The following GAL3ST1 variants were observed in gnomAD, a reference collection of about 807,000 sequenced individuals.
GAL3ST1 encodes galactosylceramide sulfotransferase.
GAL3ST1 carries 13 observed loss-of-function variants against 25.0 expected under a neutral mutation model. That is an observed-to-expected ratio of 0.52 (90% CI 0.34 to 0.83). GAL3ST1 has a LOEUF of 0.83. Among genes scored for constraint, GAL3ST1 ranks in the 40% least tolerant of loss-of-function variants. GAL3ST1 has a pLI of 0.02. For missense variants in GAL3ST1, 474 were observed against 613.6 expected (o/e 0.77, Z 2.40); for synonymous variants, 274 against 277.8 (o/e 0.99, Z 0.14).
chr22:30,569,748 G>C (rs535851356), intron 1 of GAL3ST1, among the ~76,000 whole-genome samples: 15 of 152,278 alleles, frequency 9.9e-5, no homozygotes, highest in African/African-American at 3.4e-4. Context: ...ACAAAACAGG[G>C]CAGCTAGGGC....
chr22:30,562,860 T>C (rs923797506), intron 1 of GAL3ST1, among the ~76,000 whole-genome samples: 4 of 152,222 alleles, frequency 2.6e-5, no homozygotes, highest in South Asian at 2.1e-4. Context: ...AGGCCCGGTG[T>C]AATCCCAGCA....
intron 3 of GAL3ST1, among the ~76,000 whole-genome samples, chr22:30,556,540 T>C (rs1287646563): frequency 2.6e-5 from 4 of 152,086 alleles, no homozygotes; most frequent in Non-Finnish European, 5.9e-5. Flanking sequence ...AGCAGCCCCA[T>C]GAGGAAACGG....
rs1472838461 is a variant in GAL3ST1, at chr22:30,555,576, G to A, written c.649C>T (p.Leu217=). The change falls in exon 4 of 4, where the codon CTG becomes TTG. Residue 217 remains leucine, a synonymous_variant. Coordinates refer to ENST00000406361, the MANE Select transcript of GAL3ST1 (RefSeq NM_001318104.2). The surrounding 1 kb of genome is among the most constrained non-coding windows in gnomAD (Gnocchi z 8.6). Reference sequence around the variant, plus strand: ...TCATAGCCCAGGTCGAAGAAGAGCAGGTTTCGGAGGTAGTGGGCATTGAAG... The same window carrying A: ...TCATAGCCCAGGTCGAAGAAGAGCAAGTTTCGGAGGTAGTGGGCATTGAAG... ...NGFNAHYLRN[L]LFFDLGYDNS... The A allele has an allele frequency of 6.2e-7, 1 of 1,613,452 alleles. No individual in the cohort carries two copies. Among genetic ancestry groups the A allele is most frequent in the Non-Finnish European group, 8.5e-7 (1 of 1,180,038 alleles).
chr22:30,554,980 C>A lies in GAL3ST1; in HGVS notation c.1245G>T (p.Lys415Asn). ...GANLWVTKLW[K>N]FIRDFLRW Reference sequence around the variant, plus strand: ...ACCACCGCAGGAAATCGCGAATGAACTTCCAGAGCTTGGTGACCCACAGGT... The same window carrying A: ...ACCACCGCAGGAAATCGCGAATGAAATTCCAGAGCTTGGTGACCCACAGGT... The change falls in exon 4 of 4, where the codon AAG becomes AAT. Residue 415 changes from lysine (K) to asparagine (N), a missense_variant. Physicochemically the swap from Lys to Asn is moderately conservative, Grantham distance 94 (BLOSUM62 0). This residue lies in a region of GAL3ST1 where 359 missense variants were observed against 504.4 expected (regional missense o/e 0.71). Coordinates refer to ENST00000406361, the MANE Select transcript of GAL3ST1 (RefSeq NM_001318104.2). 6.3e-7 allele frequency: 1 copy of A among 1,586,068 alleles called. No homozygotes were observed. Among genetic ancestry groups the A allele is most frequent in the Non-Finnish European group, 8.6e-7 (1 of 1,161,336 alleles).
At chr22:30,560,680 T>G (rs942569673) in intron 1 of GAL3ST1, 1 of 152,122 alleles carries the variant, frequency 6.6e-6, no homozygotes, top group Non-Finnish European at 1.5e-5. Context: ...GGATTAGGAT[T>G]CCTGTGGCTT....
intron 1 of GAL3ST1, among the ~76,000 whole-genome samples, chr22:30,567,898 G>C (rs1392398582): frequency 2.6e-5 from 4 of 152,042 alleles, no homozygotes; most frequent in Non-Finnish European, 5.9e-5. Context: ...GGGCAGGCTG[G>C]TCTCAAACTT....
chr22:30,571,753 A>G (rs2146439762), intron 1 of GAL3ST1, among the ~76,000 whole-genome samples: 1 of 152,226 alleles, frequency 6.6e-6, no homozygotes, highest in Non-Finnish European at 1.5e-5. Context: ...AGTCCCAGCT[A>G]CTCGGGAGGC....
At chr22:30,574,261 AC>A (rs1471262484) in intron 1 of GAL3ST1, among the ~76,000 whole-genome samples, 2 of 151,924 alleles carry the variant, frequency 1.3e-5, no homozygotes, top group African/African-American at 4.8e-5. Flanking sequence ...GGGGGCACCA[AC>A]CTGTGCCCTC....
At chr22:30,573,131 C>T (rs371212973) in intron 1 of GAL3ST1, among the ~76,000 whole-genome samples, 23 of 152,138 alleles carry the variant, frequency 1.5e-4, no homozygotes, top group East Asian at 5.8e-4. Context: ...TCTCGGCTCC[C>T]GGGGTAGCAG....
chr22:30,573,640 C>A (rs367842081), intron 1 of GAL3ST1, among the ~76,000 whole-genome samples: 1 of 152,212 alleles, frequency 6.6e-6, no homozygotes, highest in African/African-American at 2.4e-5. Context: ...CCTGTCACCG[C>A]GGCAGCCCGG....
At chr22:30,570,329 G>A (rs549365330) in intron 1 of GAL3ST1, among the ~76,000 whole-genome samples, 2 of 152,188 alleles carry the variant, frequency 1.3e-5, no homozygotes, top group Non-Finnish European at 2.9e-5. Flanking sequence ...AGTTCTGAGT[G>A]TGCCTGTTCT....
chr22:30,557,264 G>A lies in GAL3ST1; in HGVS notation c.129C>T (p.Ser43=). Residue 43 remains serine (S), a splice_region_variant and synonymous_variant, in exon 3 of 4, where the codon TCC becomes TCT. Coordinates refer to ENST00000406361, the MANE Select transcript of GAL3ST1 (RefSeq NM_001318104.2). ...AVPPLHAGLA[S]TTPEAAASCS... is the part of the protein sequence containing the mutation. The stretch of plus-strand genomic sequence containing the variant: ...ATCTGCCCAGCTGGGCCACTCACGT[G>A]GAGGCCAGGCCGGCATGCAGCGGGG... The A allele has an allele frequency of 6.2e-7, 1 of 1,614,084 alleles. No individual in the cohort carries two copies. The highest frequency in any genetic ancestry group is 2.2e-5 in the East Asian group (1 of 44,880).
rs575217448 is a variant in GAL3ST1 at position 30,557,182 on chromosome 22, G to A, written c.131+80C>T. The A allele has an allele frequency of 1.2e-4, 171 of 1,450,710 alleles. No individual in the cohort carries two copies. In the African/African-American group the frequency reaches 2.0e-3, roughly 17 times the overall value. 89.9% of individuals were successfully genotyped at this position (1,450,710 alleles called of 1,614,324 possible). On this transcript the variant is annotated intron_variant, in intron 3 of 3. Coordinates refer to ENST00000406361, the MANE Select transcript of GAL3ST1 (RefSeq NM_001318104.2). ...ACCCAAGATCACTGGGGCAGGCCCT[G>A]TGGTAATTACAGGGCCCCATGGGTG...
intron 1 of GAL3ST1, chr22:30,560,150 A>G (rs1221875925): frequency 1.3e-5 from 2 of 152,224 alleles, no homozygotes; most frequent in Non-Finnish European, 2.9e-5. Flanking sequence ...TCTCAAAAAA[A>G]GGCAATAATT....
chr22:30,557,330 G>C lies in GAL3ST1; in HGVS notation c.63C>G (p.Leu21=), dbSNP rs758281604. The part of the protein sequence containing the change: ...SMAKGLVLGA[L]FTSFLLLVYS... ...ACACCAGCAGCAGGAAACTAGTGAA[G>C]AGCGCGCCCAGCACCAGCCCCTTAG... Residue 21 remains leucine, a synonymous_variant, in exon 3 of 4, where the codon CTC becomes CTG. Transcript: ENST00000406361. 2 of 1,614,224 alleles carry C rather than the reference G, an allele frequency of 1.2e-6. No individual in the cohort carries two copies. Among genetic ancestry groups the C allele is most frequent in the Admixed American group, 3.3e-5 (2 of 60,030 alleles).
intron 1 of GAL3ST1, among the ~76,000 whole-genome samples, chr22:30,562,904 C>T (rs901584596): frequency 5.9e-5 from 9 of 152,174 alleles, no homozygotes; most frequent in Admixed American, 1.3e-4. Context: ...ATCACGAGGT[C>T]AGGAGTTCAA....
intron 1 of GAL3ST1, among the ~76,000 whole-genome samples, chr22:30,570,359 G>A (rs1199163918): frequency 1.3e-5 from 2 of 152,216 alleles, no homozygotes; most frequent in African/African-American, 4.8e-5. Context: ...CAATCCACCT[G>A]CAGGAATGTG....
In GAL3ST1 at chr22:30,554,815, TCCCCCCA is replaced by T. The variant is rs2085886391; in HGVS notation, c.*131_*137del. ...ATGGGCCCAGTCTTGGCTGGCTGCC[TCCCCCCA>T]GGGAGCCCCCCCTCACCCCGGGGTC... On this transcript the variant is annotated 3_prime_UTR_variant, in exon 4 of 4. Transcript: ENST00000406361. 1.6e-6 allele frequency: 1 copy of T among 617,494 alleles called. No individual in the cohort carries two copies. Among genetic ancestry groups the T allele is most frequent in the Non-Finnish European group, 2.7e-6 (1 of 368,980 alleles). 38.3% of individuals were successfully genotyped at this position (617,494 alleles called of 1,614,324 possible).
intron 1 of GAL3ST1, among the ~76,000 whole-genome samples, chr22:30,568,836 G>A (rs2086699754): frequency 6.6e-6 from 1 of 152,140 alleles, no homozygotes; most frequent in Non-Finnish European, 1.5e-5. Context: ...AGCACTTTGG[G>A]AGGCTAAGGC....
Sources: allele counts gnomAD v4.1 joint callset (sites outside exome capture counted in the v4.1 genomes callset), GRCh38; gene constraint gnomAD v4.1.1; regional missense constraint gnomAD v4.1.1; non-coding constraint Gnocchi (gnomAD v3.1); transcripts MANE v1.5; gene names NCBI Gene and HGNC (gene_info 2026-07-23, HGNC 2026-07-21).